Variants in KIAA1958 observed in about 807,000 individuals in gnomAD.
The protein encoded by KIAA1958 is KIAA1958.
Under a neutral mutation model 47.2 loss-of-function variants are expected in KIAA1958, and 14 were observed. That is an observed-to-expected ratio of 0.30 (90% CI 0.20 to 0.46). KIAA1958 has a LOEUF of 0.46. KIAA1958 is among the 20% of genes least tolerant of loss of function. The pLI, the probability that KIAA1958 is intolerant of heterozygous loss-of-function variation, is 1.00. For missense variants in KIAA1958, 803 were observed against 909.2 expected, an observed-to-expected ratio of 0.88 and a Z score of 1.50; for synonymous variants, 354 against 353.3, an observed-to-expected ratio of 1.00 and a Z score of -0.02.
intron 1 of KIAA1958, among the ~76,000 whole-genome samples, chr9:112,554,378 A>G (rs1835206410): frequency 6.6e-6 from 1 of 152,068 alleles, no homozygotes; most frequent in African/African-American, 2.4e-5. Flanking sequence ...TGCGCCTGTA[A>G]TCCCAGCTAC....
chr9:112,628,634 C>T (rs1316529230), intron 2 of KIAA1958, among the ~76,000 whole-genome samples: 2 of 152,170 alleles, frequency 1.3e-5, no homozygotes, highest in East Asian at 1.9e-4. Flanking sequence ...ATGATATATC[C>T]TGATGATTAA....
chr9:112,502,111 G>A (rs1253832899), intron 1 of KIAA1958, among the ~76,000 whole-genome samples: 1 of 152,128 alleles, frequency 6.6e-6, no homozygotes, highest in Non-Finnish European at 1.5e-5. Context: ...AAGGAGGAGG[G>A]GAGGAAGTTA....
chr9:112,627,654 T>C (rs986547913), intron 2 of KIAA1958, among the ~76,000 whole-genome samples: 5 of 152,198 alleles, frequency 3.3e-5, no homozygotes, highest in African/African-American at 1.2e-4. Context: ...CTTGGGAGGC[T>C]GAGGCAGGAG....
chr9:112,561,912 A>T (rs1177884517), intron 1 of KIAA1958, among the ~76,000 whole-genome samples: 1 of 152,246 alleles, frequency 6.6e-6, no homozygotes, highest in African/African-American at 2.4e-5. Context: ...TGGTTCAGAG[A>T]GCTGCAGAAT....
chr9:112,650,435 G>GA (rs890545498), intron 3 of KIAA1958, among the ~76,000 whole-genome samples: 32 of 152,136 alleles, frequency 2.1e-4, no homozygotes, highest in Non-Finnish European at 4.6e-4. Flanking sequence ...ATAAGTGGAT[G>GA]AATGAAAGGG....
chr9:112,642,970 C>T (rs574911665), intron 2 of KIAA1958, among the ~76,000 whole-genome samples: 3 of 152,280 alleles, frequency 2.0e-5, no homozygotes, highest in African/African-American at 7.2e-5. Context: ...AATGTATACT[C>T]TCTGTCCTGT....
At position 112,510,608 on chromosome 9, in the gene KIAA1958, C is replaced by T. The variant is rs186978659; in HGVS notation, c.-25+23490C>T. 1.3e-4 allele frequency among the ~76,000 whole-genome samples: 20 copies of T among 152,284 alleles called. 1 individual carries two copies. The highest frequency in any genetic ancestry group is 4.8e-4 in the African/African-American group (20 of 41,568). ...TTACATATACTGTCTCTTCTGTTTTCATTAAATCGCTTTAATTCCAAAGAA... is the reference window on the plus strand; with the variant it reads ...TTACATATACTGTCTCTTCTGTTTTTATTAAATCGCTTTAATTCCAAAGAA... On this transcript the variant is annotated intron_variant, in intron 1 of 3. Transcript: ENST00000337530.
rs552821979 is a variant in KIAA1958, at chr9:112,575,269, A to G, written c.1171+18A>G. On this transcript the variant is annotated intron_variant, in intron 2 of 3. Coordinates refer to ENST00000337530, the MANE Select transcript of KIAA1958 (RefSeq NM_133465.4). The stretch of plus-strand genomic sequence containing the variant: ...CATACCAGGTATGGCACATGAGGCG[A>G]CAGTGAGTCCCTCATCCACGCACGC... 3 of 1,476,974 alleles carry G rather than the reference A, an allele frequency of 2.0e-6. No homozygotes were observed. The highest frequency in any genetic ancestry group is 2.7e-6 in the Non-Finnish European group (3 of 1,108,448). The allele number at this position is 1,476,974 out of a possible 1,614,324, so 91.5% of individuals were successfully genotyped here. A position where few individuals can be genotyped will look rare whatever the true frequency, so the allele number is the denominator to read the frequency against.
intron 1 of KIAA1958, among the ~76,000 whole-genome samples, chr9:112,507,763 T>A (rs776766801): frequency 6.6e-6 from 1 of 152,050 alleles, no homozygotes; most frequent in Non-Finnish European, 1.5e-5. Flanking sequence ...TTTCTTTCTC[T>A]CTCTCTCTTT....
At chr9:112,596,264 A>C (rs891194707) in intron 2 of KIAA1958, among the ~76,000 whole-genome samples, 1 of 152,190 alleles carries the variant, frequency 6.6e-6, no homozygotes, top group Non-Finnish European at 1.5e-5. Context: ...GTTTCTATGA[A>C]TCTGACTTTA....
rs200073688 is a variant in KIAA1958, at chr9:112,535,767, CT to C, written c.-24-38281del. Among the ~76,000 whole-genome samples the C allele has an allele frequency of 6.0e-5, 9 of 150,856 alleles. No homozygotes were observed. The South Asian group carries it at 1.3e-3, about 21-fold the overall frequency. ...CTGTCTTTCATCCTTTTTGATGTAGCTTTTTTTTTAACAGGCATGAGATATT... is the reference window on the plus strand; with the variant it reads ...CTGTCTTTCATCCTTTTTGATGTAGCTTTTTTTTAACAGGCATGAGATATT... On this transcript the variant is annotated intron_variant, in intron 1 of 3. Coordinates refer to ENST00000337530, the MANE Select transcript of KIAA1958 (RefSeq NM_133465.4).
At chr9:112,538,250 TGGATTGCTTGA>T (rs1313367123) in intron 1 of KIAA1958, among the ~76,000 whole-genome samples, 1 of 151,780 alleles carries the variant, frequency 6.6e-6, no homozygotes, top group Non-Finnish European at 1.5e-5. Flanking sequence ...GAGGCTGAGG[TGGATTGCTTGA>T]GGATTGCTTG....
In KIAA1958 at chr9:112,667,030, C is replaced by A. The variant is rs926331112; in HGVS notation, c.*6961C>A. 1 of 152,090 alleles carries A rather than the reference C, an allele frequency of 6.6e-6. No homozygotes were observed. Among genetic ancestry groups the A allele is most frequent in the Non-Finnish European group, 1.5e-5 (1 of 68,026 alleles). 9.4% of individuals were successfully genotyped at this position (152,090 alleles called of 1,614,324 possible). A position where few individuals can be genotyped will look rare whatever the true frequency, so the allele number is the denominator to read the frequency against. On this transcript the variant is annotated 3_prime_UTR_variant, in exon 4 of 4. Transcript: ENST00000337530. ...CAATAAATACCTGAGTAGCAGAACA[C>A]GCAAATATTATGATTTTTTATGTAT...
At position 112,583,018 on chromosome 9, in the gene KIAA1958, G is replaced by A. The variant is rs932216049; in HGVS notation, c.1171+7767G>A. 2.6e-5 allele frequency among the ~76,000 whole-genome samples: 4 copies of A among 152,196 alleles called. No individual in the cohort carries two copies. In the South Asian group the frequency reaches 8.3e-4, roughly 32 times the overall value. On this transcript the variant is annotated intron_variant, in intron 2 of 3. Transcript: ENST00000337530. ...AAGATCTCCAGGTGATTTTGTATGC[G>A]CATTAGAGCTTGAGAAGCAGTGATC...
chr9:112,632,924 A>T lies in KIAA1958; in HGVS notation c.1172-12726A>T, dbSNP rs563632453. ...GGAAACAGCCTTTTTTTTTTTTTTT[A>T]AAAAAAGAGCCATTTAGATATGTGG... On this transcript the variant is annotated intron_variant, in intron 2 of 3. Transcript: ENST00000337530. Among the ~76,000 whole-genome samples the T allele has an allele frequency of 4.3e-3, 600 of 139,946 alleles. 3 individuals are homozygous for T. Among genetic ancestry groups the T allele is most frequent in the African/African-American group, 8.1e-3 (320 of 39,358 alleles). 91.8% of individuals were successfully genotyped at this position (139,946 alleles called of 152,430 possible).
chr9:112,653,589 C>G (rs1384418928), intron 3 of KIAA1958, among the ~76,000 whole-genome samples: 2 of 152,138 alleles, frequency 1.3e-5, no homozygotes, highest in East Asian at 1.9e-4. Flanking sequence ...CAACACCATG[C>G]ACTAAGCCAG....
At chr9:112,496,834 T>C (rs1834058401) in intron 1 of KIAA1958, among the ~76,000 whole-genome samples, 1 of 152,204 alleles carries the variant, frequency 6.6e-6, no homozygotes, top group Admixed American at 6.5e-5. Context: ...ATTTCTTCTT[T>C]CCCAGCTCTT....
At chr9:112,543,567 C>CTTTTTTTTTTTT (rs138422704) in intron 1 of KIAA1958, among the ~76,000 whole-genome samples, 35 of 108,168 alleles carry the variant, frequency 3.2e-4, no homozygotes, top group African/African-American at 1.2e-3. Context: ...TTCTGAGCTT[C>CTTTTTTTTTTTT]TTTTTTTTTT....
chr9:112,490,281 T>G (rs1425353887), intron 1 of KIAA1958, among the ~76,000 whole-genome samples: 1 of 152,226 alleles, frequency 6.6e-6, no homozygotes, highest in Non-Finnish European at 1.5e-5. Context: ...CAGTTTGTGT[T>G]TGTAAAGAAA....
Sources: gnomAD v4.1 joint callset for allele counts (sites outside exome capture counted in the v4.1 genomes callset) on GRCh38, gnomAD v4.1.1 for gene constraint, MANE v1.5 for transcripts, NCBI Gene and HGNC (gene_info 2026-07-23, HGNC 2026-07-21) for gene names.